Variants in TRPM4 observed in about 807,000 individuals in gnomAD.
The protein encoded by TRPM4 is calcium-activated non-selective cation channel 1.
Under a neutral mutation model 135.6 loss-of-function variants are expected in TRPM4, and 124 were observed. The observed-to-expected ratio is 0.91, with a 90% CI of 0.79 to 1.06. The LOEUF (loss-of-function observed/expected upper bound fraction) is 1.06, where lower values mean the gene tolerates loss of function less well. TRPM4 is among the 50% of genes least tolerant of loss of function. The pLI is 0.00. For missense variants in TRPM4, 1,658 were observed against 1,671.4 expected, an observed-to-expected ratio of 0.99 and a Z score of 0.14; for synonymous variants, 745 against 705.6, an observed-to-expected ratio of 1.06 and a Z score of -0.88.
At chr19:49,203,692 T>C (rs1285185672) in intron 20 of TRPM4, among the ~76,000 whole-genome samples, 1 of 152,230 alleles carries the variant, frequency 6.6e-6, no homozygotes, top group Non-Finnish European at 1.5e-5. Flanking sequence ...AGATGTTTCA[T>C]GTAAGTGGAA....
At chr19:49,166,274 CAGAG>C in intron 3 of TRPM4, 59 bp downstream of exon 3, 1 of 1,515,428 alleles carries the variant, frequency 6.6e-7, no homozygotes, top group African/African-American at 1.4e-5. Flanking sequence ...CTCGGGGCTC[CAGAG>C]TGGAGCCGGG....
intron 12 of TRPM4, among the ~76,000 whole-genome samples, chr19:49,185,736 T>G (rs1488457576): frequency 2.0e-5 from 3 of 152,202 alleles, no homozygotes; most frequent in African/African-American, 7.2e-5. Flanking sequence ...TAGTGACTTT[T>G]CTTTTTTCTT....
chr19:49,160,631 G>A (rs1301088367), intron 2 of TRPM4, among the ~76,000 whole-genome samples: 4 of 152,186 alleles, frequency 2.6e-5, no homozygotes, highest in Non-Finnish European at 4.4e-5. Flanking sequence ...AGGCTGCAGA[G>A]GAGGGCAGGG....
chr19:49,207,012 C>T (rs1321177206), intron 20 of TRPM4, among the ~76,000 whole-genome samples: 1 of 152,192 alleles, frequency 6.6e-6, no homozygotes, highest in Non-Finnish European at 1.5e-5. Flanking sequence ...TACCCTGCAA[C>T]TTTGCTGAAT....
Position 49,158,064 on chromosome 19 carries a change from G to T in TRPM4, c.25-128G>T, listed in dbSNP as rs551856431. The T allele has an allele frequency of 3.1e-6, 4 of 1,280,658 alleles. No individual in the cohort carries two copies. In the South Asian group the frequency reaches 5.0e-5, roughly 16 times the overall value. The allele number at this position is 1,280,658 out of a possible 1,614,324, so 79.3% of individuals were successfully genotyped here. ...GTCGAGACTCCTGAGTCTGGAGCGG[G>T]AGGGCGCTGGGGGCCCGGACTCCTG... is the stretch of plus-strand genomic sequence containing the variant. On this transcript the variant is annotated intron_variant, in intron 1 of 24. Coordinates refer to ENST00000252826, the MANE Select transcript of TRPM4 (RefSeq NM_017636.4).
Position 49,182,406 on chromosome 19 carries a change from A to T in TRPM4, c.1264-172A>T, listed in dbSNP as rs1294254351. 3 of 660,794 alleles carry T rather than the reference A, an allele frequency of 4.5e-6. No homozygotes were observed. In the South Asian group the frequency reaches 5.0e-5, roughly 11 times the overall value. The allele number at this position is 660,794 out of a possible 1,614,324, so 40.9% of individuals were successfully genotyped here. ...CATCCATCCATCTGCCCATCCATCC[A>T]TCTGTCCATCCATCCATCTACCTAT... On this transcript the variant is annotated intron_variant, in intron 10 of 24. Transcript: ENST00000252826.
At position 49,157,873 on chromosome 19, in the gene TRPM4, G is replaced by A; in HGVS notation, c.7G>A (p.Val3Met). 1 of 1,534,958 alleles carries A rather than the reference G, an allele frequency of 6.5e-7. No homozygotes were observed. The highest frequency in any genetic ancestry group is 1.2e-5 in the South Asian group (1 of 83,978). Residue 3 changes from valine (V) to methionine (M), a missense_variant, in exon 1 of 25, where the codon GTG becomes ATG. This residue lies in a region of TRPM4 where 239 missense variants were observed against 240.1 expected (regional missense o/e 1.00). Transcript: ENST00000252826. MV[V>M]PEKEQSWIPK... ...TTGCGGCGGCCGCGGCAGCATGGTGGTGCCGGAGAAGGAGCAGGTGAGCGC... is the reference window on the plus strand; with the variant it reads ...TTGCGGCGGCCGCGGCAGCATGGTGATGCCGGAGAAGGAGCAGGTGAGCGC...
intron 12 of TRPM4, among the ~76,000 whole-genome samples, chr19:49,183,988 C>T (rs923774380): frequency 6.6e-6 from 1 of 151,800 alleles, no homozygotes; most frequent in Non-Finnish European, 1.5e-5. Context: ...GTCTTGATCT[C>T]CTGACCTTGT....
chr19:49,164,139 C>T (rs1345377752), intron 2 of TRPM4, among the ~76,000 whole-genome samples: 1 of 152,170 alleles, frequency 6.6e-6, no homozygotes, highest in Non-Finnish European at 1.5e-5. Context: ...ACAGGTCTCC[C>T]CTGATATCTG....
intron 12 of TRPM4, among the ~76,000 whole-genome samples, chr19:49,184,845 C>A (rs1037398520): frequency 2.6e-5 from 4 of 151,208 alleles, no homozygotes; most frequent in African/African-American, 9.7e-5. Flanking sequence ...CAGTACCATT[C>A]TCAATCTCTT....
At chr19:49,204,989 T>G (rs973933610) in intron 20 of TRPM4, among the ~76,000 whole-genome samples, 4 of 139,932 alleles carry the variant, frequency 2.9e-5, no homozygotes, top group Non-Finnish European at 4.5e-5. Context: ...GTTGTTTTTT[T>G]TTTTTTTTTT....
At chr19:49,186,336 A>C (rs574692645) in intron 12 of TRPM4, among the ~76,000 whole-genome samples, 1 of 152,222 alleles carries the variant, frequency 6.6e-6, no homozygotes, top group Non-Finnish European at 1.5e-5. Flanking sequence ...TGCAGAGCCT[A>C]AAGTTCAGCC....
chr19:49,208,734 G>A (rs183265225), intron 20 of TRPM4, among the ~76,000 whole-genome samples: 110 of 151,822 alleles, frequency 7.2e-4, no homozygotes, highest in African/African-American at 2.4e-3. Context: ...TTGTGCCCTC[G>A]GTCTCTTGCC....
At chr19:49,173,647 G>A (rs1192150224) in intron 9 of TRPM4, among the ~76,000 whole-genome samples, 3 of 152,068 alleles carry the variant, frequency 2.0e-5, no homozygotes, top group African/African-American at 7.3e-5. Flanking sequence ...GAGAGGCTGG[G>A]GAGGGTCTTA....
chr19:49,168,394 C>T lies in TRPM4; in HGVS notation c.583C>T (p.Arg195Trp), dbSNP rs1270421713. Residue 195 changes from arginine (R) to tryptophan (W), a missense_variant, in exon 5 of 25, where the codon CGG (arginine) becomes TGG (tryptophan). By Grantham distance (101) the Arg-to-Trp change is moderately radical (BLOSUM62 -3). Coordinates refer to ENST00000252826, the MANE Select transcript of TRPM4 (RefSeq NM_017636.4). The part of the protein sequence containing the change: ...AMGVAPWGVV[R>W]NRDTLINPKG... ...GGGTGTGGCCCCCTGGGGTGTGGTC[C>T]GGAATAGAGACACCCTCATCAACCC... is the stretch of plus-strand genomic sequence containing the variant. 9.3e-6 allele frequency: 15 copies of T among 1,613,972 alleles called. No individual in the cohort carries two copies. Among genetic ancestry groups the T allele is most frequent in the Admixed American group, 1.7e-5 (1 of 60,014 alleles).
chr19:49,183,166 C>T lies in TRPM4; in HGVS notation c.1697C>T (p.Ala566Val), dbSNP rs1305383202. 14 of 1,614,028 alleles carry T rather than the reference C, an allele frequency of 8.7e-6. No individual in the cohort carries two copies. Among genetic ancestry groups the T allele is most frequent in the Non-Finnish European group, 1.2e-5 (14 of 1,180,026 alleles). The change falls in exon 12 of 25, where the codon GCA becomes GTA. Residue 566 changes from alanine (A) to valine (V), a missense_variant. Physicochemically the swap from Ala to Val is moderately conservative, Grantham distance 64. Around this residue, in one of 3 missense-constraint regions of TRPM4, gnomAD observed 1,412 missense variants for 1,408.7 expected, o/e 1.00. Coordinates refer to ENST00000252826, the MANE Select transcript of TRPM4 (RefSeq NM_017636.4). ...QAPWSDLLLW[A>V]LLLNRAQMAM... Reference sequence around the variant, plus strand: ...CCCTGGAGCGACCTGCTTCTTTGGGCACTGTTGCTGAACAGGGCACAGATG... The same window carrying T: ...CCCTGGAGCGACCTGCTTCTTTGGGTACTGTTGCTGAACAGGGCACAGATG...
chr19:49,195,440 A>G (rs2682603), intron 16 of TRPM4, among the ~76,000 whole-genome samples: 17,228 of 151,968 alleles, frequency 0.11, 1,606 homozygotes, highest in African/African-American at 0.25. Flanking sequence ...GCGCGACCTC[A>G]GTTCACCACA....
chr19:49,176,758 G>A (rs1025688888), intron 9 of TRPM4, among the ~76,000 whole-genome samples: 1 of 152,210 alleles, frequency 6.6e-6, no homozygotes, highest in Admixed American at 6.5e-5. Context: ...GGCTGAGGCA[G>A]GAGAATCGCT....
At chr19:49,180,477 T>TGTGTGTG (rs1568468913) in intron 9 of TRPM4, among the ~76,000 whole-genome samples, 11 of 139,846 alleles carry the variant, frequency 7.9e-5, no homozygotes, top group South Asian at 2.4e-4. Context: ...TGTGTGTGTG[T>TGTGTGTG]TGCACCCGGG....
Sources: allele counts gnomAD v4.1 joint callset (sites outside exome capture counted in the v4.1 genomes callset), GRCh38; gene constraint gnomAD v4.1.1; regional missense constraint gnomAD v4.1.1; transcripts MANE v1.5; gene names NCBI Gene and HGNC (gene_info 2026-07-23, HGNC 2026-07-21).